MDN1: variants seen among roughly 807,000 people sequenced by gnomAD.
MDN1 encodes midasin.
MDN1 carries 266 observed loss-of-function variants against 669.2 expected under a neutral mutation model. The observed-to-expected ratio is 0.40, with a 90% confidence interval of 0.36 to 0.44. The LOEUF (loss-of-function observed/expected upper bound fraction) is 0.44. Ranked by LOEUF, MDN1 falls within the 20% of genes least tolerant of loss-of-function variation. The probability of loss-of-function intolerance (pLI) is 1.00; values close to 1 mark genes in which losing one functional copy is unlikely to be tolerated. For missense variants in MDN1, 5,940 were observed against 6,754.0 expected, an observed-to-expected ratio of 0.88 and a Z score of 4.22; for synonymous variants, 2,385 against 2,457.1, an observed-to-expected ratio of 0.97 and a Z score of 0.87.
chr6:89,683,175 C>A lies in MDN1; in HGVS notation c.12059G>T (p.Arg4020Met). 1 of 1,614,134 alleles carries A rather than the reference C, an allele frequency of 6.2e-7. No homozygotes were observed. Among genetic ancestry groups the A allele is most frequent in the Non-Finnish European group, 8.5e-7 (1 of 1,180,040 alleles). The stretch of plus-strand genomic sequence containing the variant: ...GGCTAACAGGGTCTCCCTCAGTGCC[C>A]TGTTCAGATTCTGAATGGAAGACAG... ...SELSSIQNLN[R>M]ALRETLLAQP... Residue 4020 changes from arginine to methionine, a missense_variant, in exon 73 of 102, where the codon AGG (arginine) becomes ATG (methionine). By Grantham distance (91) the Arg-to-Met change is moderately conservative. Around this residue, in one of 5 missense-constraint regions of MDN1, gnomAD observed 2,280 missense variants for 2,576.3 expected, o/e 0.88. Transcript: ENST00000369393.
rs199794102 is a variant in MDN1 at position 89,749,594 on chromosome 6, C to T, written c.3564G>A (p.Arg1188=). The T allele has an allele frequency of 2.9e-4, 475 of 1,614,000 alleles. No individual in the cohort carries two copies. Among genetic ancestry groups the T allele is most frequent in the Non-Finnish European group, 3.7e-4 (438 of 1,180,034 alleles). Residue 1188 remains arginine (R), a synonymous_variant, in exon 25 of 102, where the codon CGG becomes CGA. Transcript: ENST00000369393. ...ETQEVVKAHP[R]FMLFATQNPP... ...GATTTTGGGTGGCAAAAAGCATAAA[C>T]CGAGGGTGTGCTTTAACAACTTCCT... is the stretch of plus-strand genomic sequence containing the variant.
At chr6:89,670,876 T>G in intron 83 of MDN1, 43 bp downstream of exon 83, 1 of 1,572,736 alleles carries the variant, frequency 6.4e-7, no homozygotes, top group Non-Finnish European at 8.7e-7. Flanking sequence ...GAAATTTACT[T>G]GGGTCCCTGC....
Position 89,669,314 on chromosome 6 carries a change from G to A in MDN1, c.13957-1163C>T, listed in dbSNP as rs371692326. Among the ~76,000 whole-genome samples, 35 of 152,300 alleles carry A rather than the reference G, an allele frequency of 2.3e-4. No individual in the cohort carries two copies. In the East Asian group the frequency reaches 5.8e-3, roughly 25 times the overall value. On this transcript the variant is annotated intron_variant, in intron 83 of 101. Transcript: ENST00000369393. ...TACAGTGTTTTCTCCAAGAAGCAAT[G>A]GAATGTTAAGGCTGGCCTGGTGCCC...
chr6:89,671,634 T>C (rs1562064604), intron 82 of MDN1, among the ~76,000 whole-genome samples: 1 of 152,160 alleles, frequency 6.6e-6, no homozygotes, highest in Non-Finnish European at 1.5e-5. Flanking sequence ...CAGTGAGCCA[T>C]GGTCATGCCA....
chr6:89,711,889 T>A, intron 49 of MDN1, 147 bp downstream of exon 49: 1 of 680,940 alleles, frequency 1.5e-6, no homozygotes, highest in Non-Finnish European at 2.5e-6. Flanking sequence ...TCCTTAACAG[T>A]AATGCTAGAC....
intron 73 of MDN1, 133 bp downstream of exon 73, chr6:89,682,999 A>G: frequency 2.3e-6 from 2 of 885,298 alleles, no homozygotes; most frequent in African/African-American, 1.7e-5. Flanking sequence ...AGGCAAATAC[A>G]TGCTATATAT....
chr6:89,649,054 C>A (rs1808679448), intron 97 of MDN1, among the ~76,000 whole-genome samples: 4 of 150,868 alleles, frequency 2.7e-5, no homozygotes, highest in African/African-American at 7.3e-5. Context: ...TTTCTTTCTT[C>A]TTTTTTGGAC....
At position 89,658,302 on chromosome 6, in the gene MDN1, A is replaced by G; in HGVS notation, c.15090T>C (p.His5030=). The stretch of plus-strand genomic sequence containing the variant: ...CCACACCAGTCTGCCCACAGGAGGC[A>G]TGCTCCTTCCTCTCCAAAGCCTCTG... ...QVPEALERKE[H]ASCGQTGVEN... Residue 5030 remains histidine (H), a synonymous_variant, in exon 90 of 102, where the codon CAT becomes CAC. Transcript: ENST00000369393. 1.2e-6 allele frequency: 2 copies of G among 1,614,116 alleles called. No homozygotes were observed. The highest frequency in any genetic ancestry group is 1.3e-5 in the African/African-American group (1 of 75,012).
At chr6:89,683,048 G>T in intron 73 of MDN1, 84 bp downstream of exon 73, 1 of 1,360,244 alleles carries the variant, frequency 7.4e-7, no homozygotes, top group Non-Finnish European at 1.0e-6. Flanking sequence ...TTCTTGTCTA[G>T]TACTGAGGCA....
At chr6:89,654,095 A>C in intron 93 of MDN1, 69 bp downstream of exon 93, 11 of 1,539,482 alleles carry the variant, frequency 7.1e-6, no homozygotes, top group Non-Finnish European at 9.8e-6. Context: ...AGACTAGATT[A>C]TAGTGAGAGA....
Position 89,785,025 on chromosome 6 carries a change from C to T in MDN1, c.1436G>A (p.Arg479Lys). 6.2e-7 allele frequency: 1 copy of T among 1,612,162 alleles called. No homozygotes were observed. The change falls in exon 9 of 102, where the codon AGA (arginine) becomes AAA (lysine). Residue 479 changes from arginine to lysine, a missense_variant. Coordinates refer to ENST00000369393, the MANE Select transcript of MDN1 (RefSeq NM_014611.3). ...TKIHLDNLDK[R>K]ELNEVLQSRY... ...AGACCCACGTACCTCATTCAGTTCT[C>T]TCTTATCCAGGTTATCCAGGTGAAT...
chr6:89,664,886 T>TA (rs1424646264), intron 84 of MDN1, among the ~76,000 whole-genome samples: 1 of 152,224 alleles, frequency 6.6e-6, no homozygotes, highest in African/African-American at 2.4e-5. Flanking sequence ...TGCAAGAATA[T>TA]ATATTCTTTG....
chr6:89,780,668 C>T (rs1468557308), intron 10 of MDN1, among the ~76,000 whole-genome samples: 4 of 128,930 alleles, frequency 3.1e-5, no homozygotes, highest in African/African-American at 1.2e-4. Context: ...TTTTTGGAGA[C>T]AGAGTCTCAC....
chr6:89,782,438 A>AT (rs1818722071), intron 9 of MDN1, among the ~76,000 whole-genome samples: 1 of 151,836 alleles, frequency 6.6e-6, no homozygotes, highest in Non-Finnish European at 1.5e-5. Flanking sequence ...TCTACAAAAC[A>AT]TTTGCTGGGC....
At chr6:89,805,605 T>C (rs1341937024) in intron 1 of MDN1, among the ~76,000 whole-genome samples, 1 of 152,178 alleles carries the variant, frequency 6.6e-6, no homozygotes. Flanking sequence ...TAAGTGTACC[T>C]TGAACACAGC....
chr6:89,756,975 T>G (rs1203179397), intron 19 of MDN1, among the ~76,000 whole-genome samples: 2 of 151,826 alleles, frequency 1.3e-5, no homozygotes, highest in African/African-American at 4.8e-5. Context: ...TTTCAAGTGT[T>G]TTTTATCATA....
At chr6:89,754,280 G>A in intron 20 of MDN1, 50 bp from the exon 21 acceptor site, 1 of 1,564,126 alleles carries the variant, frequency 6.4e-7, no homozygotes, top group Non-Finnish European at 8.7e-7. Context: ...TAAGTATCCA[G>A]TATTATCAAT....
chr6:89,681,777 G>A (rs1358891183), intron 73 of MDN1, among the ~76,000 whole-genome samples: 1 of 152,106 alleles, frequency 6.6e-6, no homozygotes, highest in Non-Finnish European at 1.5e-5. Flanking sequence ...GTGAGCCCCA[G>A]GTAGGAAATA....
At chr6:89,759,413 G>A (rs1471981380) in intron 17 of MDN1, among the ~76,000 whole-genome samples, 1 of 152,170 alleles carries the variant, frequency 6.6e-6, no homozygotes, top group East Asian at 1.9e-4. Context: ...GTACACTGGT[G>A]TTATCTCTTC....
Sources: allele counts gnomAD v4.1 joint callset (sites outside exome capture counted in the v4.1 genomes callset), GRCh38; gene constraint gnomAD v4.1.1; regional missense constraint gnomAD v4.1.1; transcripts MANE v1.5; gene names NCBI Gene and HGNC (gene_info 2026-07-23, HGNC 2026-07-21).